The following ASCC1 variants were observed in gnomAD, a reference collection of about 807,000 sequenced individuals.
ASCC1 encodes the protein activating signal cointegrator 1 complex subunit 1.
Under a neutral mutation model 46.6 loss-of-function variants are expected in ASCC1, and 35 were observed. That is an observed-to-expected ratio of 0.75 (90% CI 0.57 to 0.99). The LOEUF is 0.99. ASCC1 is among the 50% of genes least tolerant of loss of function. ASCC1 has a pLI of 0.00. For synonymous variants in ASCC1, 143 were observed against 146.6 expected (o/e 0.98, Z 0.18); for missense variants, 376 against 428.7 (o/e 0.88, Z 1.09).
intron 7 of ASCC1, among the ~76,000 whole-genome samples, chr10:72,149,899 C>G (rs759019122): frequency 2.0e-5 from 3 of 151,904 alleles, no homozygotes; most frequent in Non-Finnish European, 4.4e-5. Context: ...AAAGAAAAAT[C>G]TGGCAGCCAG....
At chr10:72,161,483 A>G (rs1310940676) in intron 6 of ASCC1, 55 bp downstream of exon 6, 1 of 1,612,462 alleles carries the variant, frequency 6.2e-7, no homozygotes, top group East Asian at 2.2e-5. Context: ...CTGTAATACC[A>G]AAAAGAAGCC....
intron 5 of ASCC1, among the ~76,000 whole-genome samples, chr10:72,194,634 T>A (rs1218577706): frequency 6.6e-6 from 1 of 152,026 alleles, no homozygotes; most frequent in Non-Finnish European, 1.5e-5. Flanking sequence ...AAATAGAAAT[T>A]AAAAAAGTTA....
In ASCC1 at chr10:72,096,538, T is replaced by C. The variant is rs1011122339; in HGVS notation, c.*796A>G. The C allele has an allele frequency of 2.2e-6, 1 of 454,082 alleles. No individual in the cohort carries two copies. Among genetic ancestry groups the C allele is most frequent in the Non-Finnish European group, 4.4e-6 (1 of 226,792 alleles). The allele number at this position is 454,082 out of a possible 1,614,324, so 28.1% of individuals were successfully genotyped here. ...AAGCAAAGTAAAAGGCAAACAACTT[T>C]AATGGTTATTTTGCTAAAGATAAAA... On this transcript the variant is annotated 3_prime_UTR_variant, in exon 10 of 10. Transcript: ENST00000672957.
intron 9 of ASCC1, among the ~76,000 whole-genome samples, chr10:72,103,191 G>T (rs1286740637): frequency 6.6e-6 from 1 of 150,902 alleles, no homozygotes; most frequent in South Asian, 2.1e-4. Flanking sequence ...GGAGTGCAGT[G>T]GCGCGATCTC....
At chr10:72,154,568 T>C (rs1241425840) in intron 6 of ASCC1, among the ~76,000 whole-genome samples, 1 of 151,938 alleles carries the variant, frequency 6.6e-6, no homozygotes, top group South Asian at 2.1e-4. Context: ...CTTGGCTCAT[T>C]GCAACCTCCA....
chr10:72,196,057 G>A (rs1340622673), intron 5 of ASCC1, among the ~76,000 whole-genome samples: 1 of 151,938 alleles, frequency 6.6e-6, no homozygotes, highest in African/African-American at 2.4e-5. Flanking sequence ...TTTAAAACTT[G>A]TTTTCTAATC....
intron 9 of ASCC1, among the ~76,000 whole-genome samples, chr10:72,120,002 C>T (rs145723647): frequency 1.2e-4 from 18 of 152,170 alleles, no homozygotes; most frequent in African/African-American, 4.3e-4. Flanking sequence ...TTTTGGAGGC[C>T]GAGGCAGGCG....
chr10:72,159,510 T>C (rs968440845), intron 6 of ASCC1: 6 of 152,208 alleles, frequency 3.9e-5, no homozygotes, highest in Non-Finnish European at 8.8e-5. Flanking sequence ...ATTATCCCAA[T>C]GGCAGCCAAG....
At chr10:72,132,265 G>C in intron 8 of ASCC1, among the ~76,000 whole-genome samples, 1 of 152,138 alleles carries the variant, frequency 6.6e-6, no homozygotes. Flanking sequence ...TGAACCACGA[G>C]TCTTGGAAGG....
chr10:72,098,767 C>G (rs1161834929), intron 9 of ASCC1, among the ~76,000 whole-genome samples: 1 of 152,218 alleles, frequency 6.6e-6, no homozygotes, highest in Non-Finnish European at 1.5e-5. Context: ...CCCCAAAGAT[C>G]TATTTAGAGG....
rs866517358 is a variant in ASCC1 at position 72,141,149 on chromosome 10, A to C, written c.747-7968T>G. On this transcript the variant is annotated intron_variant, in intron 7 of 9. Transcript: ENST00000672957. ...TATAGATATATATCAGACAAGCTAA[A>C]AGAAAAAAATTACTTGTTATCCACA... Among the ~76,000 whole-genome samples the C allele has an allele frequency of 9.8e-5, 15 of 152,296 alleles. No individual in the cohort carries two copies. The Middle Eastern group carries it at 0.01, about 104-fold the overall frequency.
intron 7 of ASCC1, among the ~76,000 whole-genome samples, chr10:72,147,116 T>C (rs931868653): frequency 2.0e-5 from 3 of 150,934 alleles, no homozygotes; most frequent in Admixed American, 1.3e-4. Flanking sequence ...ACAAATCTTT[T>C]TGAAATAATA....
At chr10:72,201,054 G>T (rs74148214) in intron 4 of ASCC1, among the ~76,000 whole-genome samples, 20,725 of 152,040 alleles carry the variant, frequency 0.14, 4,010 homozygotes, top group African/African-American at 0.43. Flanking sequence ...ACACTGCATG[G>T]ATATAGAACA....
intron 3 of ASCC1, among the ~76,000 whole-genome samples, chr10:72,208,210 G>A (rs1203190595): frequency 2.6e-5 from 4 of 151,998 alleles, no homozygotes; most frequent in Non-Finnish European, 5.9e-5. Context: ...GACACATAAT[G>A]AGTGCTTAGA....
intron 4 of ASCC1, among the ~76,000 whole-genome samples, chr10:72,202,375 G>A (rs1589617834): frequency 6.6e-6 from 1 of 152,024 alleles, no homozygotes; most frequent in East Asian, 1.9e-4. Context: ...GGCTGAGGCA[G>A]GAGAATCGCT....
chr10:72,196,945 G>A lies in ASCC1; in HGVS notation c.355C>T (p.Arg119Trp), dbSNP rs193204024. Reference protein sequence around the residue: ...HRNGVISARTRIDVLLDTFRR... With the variant: ...HRNGVISARTWIDVLLDTFRR... ...AAAGTGTCCAAAAGAACATCAATCC[G>A]TGTTCGGGCTGAAATTACACCATTT... is the stretch of plus-strand genomic sequence containing the variant. The change falls in exon 5 of 10, where the codon CGG (arginine) becomes TGG (tryptophan). Residue 119 changes from arginine (R) to tryptophan (W), a missense_variant. Physicochemically the swap from Arg to Trp is moderately radical, Grantham distance 101 (BLOSUM62 -3). Coordinates refer to ENST00000672957, the MANE Select transcript of ASCC1 (RefSeq NM_001198800.3). 18 of 1,613,614 alleles carry A rather than the reference G, an allele frequency of 1.1e-5. No individual in the cohort carries two copies. Among genetic ancestry groups the A allele is most frequent in the Middle Eastern group, 1.7e-4 (1 of 6,054 alleles).
intron 7 of ASCC1, among the ~76,000 whole-genome samples, chr10:72,152,217 G>GTTTC (rs1554831722): frequency 6.8e-6 from 1 of 146,012 alleles, no homozygotes; most frequent in East Asian, 2.0e-4. Context: ...TATAGAGAGA[G>GTTTC]TTTCTTTCAC....
At chr10:72,120,181 C>T (rs12242546) in intron 9 of ASCC1, among the ~76,000 whole-genome samples, 19,732 of 152,036 alleles carry the variant, frequency 0.13, 4,035 homozygotes, top group African/African-American at 0.43. Flanking sequence ...TGAGCCGAGA[C>T]TGCACCACTG....
At chr10:72,130,767 C>T (rs752658021) in intron 8 of ASCC1, among the ~76,000 whole-genome samples, 4 of 152,228 alleles carry the variant, frequency 2.6e-5, no homozygotes, top group Non-Finnish European at 5.9e-5. Context: ...CTTTCACAGT[C>T]TCACTAGCCA....
Sources: allele counts gnomAD v4.1 joint callset (sites outside exome capture counted in the v4.1 genomes callset), GRCh38; gene constraint gnomAD v4.1.1; transcripts MANE v1.5; gene names NCBI Gene and HGNC (gene_info 2026-07-23, HGNC 2026-07-21).